Variants in IL17RD observed in about 807,000 individuals in gnomAD.
The protein encoded by IL17RD is interleukin 17 receptor D.
In IL17RD, 52 loss-of-function variants were observed where a neutral mutation model predicts 80.5. That is an observed-to-expected ratio of 0.65 (90% confidence interval 0.52 to 0.81). IL17RD has a LOEUF of 0.81. Ranked by LOEUF, IL17RD falls within the 40% of genes least tolerant of loss-of-function variation. The probability of loss-of-function intolerance (pLI) is 0.00; values close to 1 mark genes in which losing one functional copy is unlikely to be tolerated. For synonymous variants in IL17RD, 416 were observed against 391.8 expected, an observed-to-expected ratio of 1.06 and a Z score of -0.73; for missense variants, 1,024 against 955.1, an observed-to-expected ratio of 1.07 and a Z score of -0.95.
At chr3:57,107,205 C>T (rs763001242) in intron 5 of IL17RD, among the ~76,000 whole-genome samples, 1 of 151,952 alleles carries the variant, frequency 6.6e-6, no homozygotes, top group East Asian at 1.9e-4. Context: ...GGTGAAACCC[C>T]GTTTCTACTA....
chr3:57,109,847 T>C (rs1383725273), intron 4 of IL17RD, among the ~76,000 whole-genome samples, 190 bp from the exon 5 acceptor site: 1 of 152,346 alleles, frequency 6.6e-6, no homozygotes, highest in African/African-American at 2.4e-5. Context: ...ACCATGAAGA[T>C]GGACAATGCG....
chr3:57,154,891 C>T (rs2060257234), intron 1 of IL17RD, among the ~76,000 whole-genome samples: 2 of 152,142 alleles, frequency 1.3e-5, no homozygotes, highest in Admixed American at 1.3e-4. Context: ...CATAGCCAGC[C>T]AACCAGGACT....
At chr3:57,109,026 G>A (rs1054041974) in intron 5 of IL17RD, among the ~76,000 whole-genome samples, 2 of 152,072 alleles carry the variant, frequency 1.3e-5, no homozygotes, top group African/African-American at 4.8e-5. Context: ...GCCAGGAGTG[G>A]GTCTATCCGG....
chr3:57,113,283 G>C (rs1707138545), intron 3 of IL17RD, among the ~76,000 whole-genome samples: 1 of 152,054 alleles, frequency 6.6e-6, no homozygotes, highest in Admixed American at 6.6e-5. Context: ...TGTTGTCCAG[G>C]CTGGAGCGCA....
At chr3:57,127,913 T>C (rs1170975814) in intron 1 of IL17RD, among the ~76,000 whole-genome samples, 2 of 152,160 alleles carry the variant, frequency 1.3e-5, no homozygotes, top group African/African-American at 4.8e-5. Flanking sequence ...AGACCCCACT[T>C]ACTTCAGTTC....
chr3:57,114,705 G>A lies in IL17RD; in HGVS notation c.297C>T (p.Ser99=). The change falls in exon 3 of 13, where the codon TCC becomes TCT. Residue 99 remains serine, a synonymous_variant. Transcript: ENST00000296318. ...HDQVAVTILW[S]PGALGIEFLK... ...TTGACCACTCACCGAGGGCCCCTGG[G>A]GACCAAAGAATGGTGACTGCCACTT... 6.2e-7 allele frequency: 1 copy of A among 1,610,618 alleles called. No individual in the cohort carries two copies. The highest frequency in any genetic ancestry group is 8.5e-7 in the Non-Finnish European group (1 of 1,178,828).
At chr3:57,164,825 C>A in intron 1 of IL17RD, 1 of 954,980 alleles carries the variant, frequency 1.0e-6, no homozygotes, top group Non-Finnish European at 1.3e-6. Flanking sequence ...AGCCCTGGGA[C>A]GAAGGAGGTC....
chr3:57,109,606 C>T lies in IL17RD; in HGVS notation c.481G>A (p.Val161Ile), dbSNP rs139866451. ...LNMKFETDYF[V>I]KVVPFPSIKN... ...ATGGAAGGAAAAGGGACAACCTTTACGAAATAATCCGTTTCAAATTTCATA... is the reference window on the plus strand; with the variant it reads ...ATGGAAGGAAAAGGGACAACCTTTATGAAATAATCCGTTTCAAATTTCATA... Residue 161 changes from valine (V) to isoleucine (I), a missense_variant, in exon 5 of 13, where the codon GTA (valine) becomes ATA (isoleucine). Physicochemically the swap from Val to Ile is conservative, Grantham distance 29. Transcript: ENST00000296318. 45 of 1,612,968 alleles carry T rather than the reference C, an allele frequency of 2.8e-5. No homozygotes were observed. Among genetic ancestry groups the T allele is most frequent in the African/African-American group, 4.0e-5 (3 of 74,860 alleles).
intron 1 of IL17RD, among the ~76,000 whole-genome samples, chr3:57,152,154 GAGCAAACGAGACCA>G (rs1358896604): frequency 1.4e-4 from 22 of 152,254 alleles, no homozygotes; most frequent in African/African-American, 5.1e-4. Context: ...GCTGTGACCA[GAGCAAACGAGACCA>G]AGCAAAGGCA....
intron 1 of IL17RD, among the ~76,000 whole-genome samples, chr3:57,138,733 C>G (rs564229105): frequency 2.0e-5 from 3 of 151,898 alleles, no homozygotes; most frequent in South Asian, 2.1e-4. Flanking sequence ...GTTGGGAGCT[C>G]GAGACCAGCC....
At position 57,110,282 on chromosome 3, in the gene IL17RD, T is replaced by C. The variant is rs1707067171; in HGVS notation, c.340A>G (p.Ile114Val). The change falls in exon 4 of 13, where the codon ATA becomes GTA. Residue 114 changes from isoleucine (I) to valine (V), a missense_variant. By Grantham distance (29) the Ile-to-Val change is conservative. Transcript: ENST00000296318. ...CCCTCCGACTTCAGCTCCTCCAGTA[T>C]TACCCGAAATCCTTTCAGGAATTCG... ...GIEFLKGFRV[I>V]LEELKSEGRQ... 6.2e-7 allele frequency: 1 copy of C among 1,607,600 alleles called. No individual in the cohort carries two copies. Among genetic ancestry groups the C allele is most frequent in the Non-Finnish European group, 8.5e-7 (1 of 1,176,744 alleles).
intron 1 of IL17RD, chr3:57,134,319 TGATGCCGGGAAAACACCTTG>T (rs1707675325): frequency 2.9e-6 from 2 of 687,562 alleles, no homozygotes; most frequent in Non-Finnish European, 5.5e-6. Context: ...TTCCCGGGCT[TGATGCCGGGAAAACACCTTG>T]GCCCGCTGGA....
intron 3 of IL17RD, among the ~76,000 whole-genome samples, chr3:57,113,959 G>A (rs1707155534): frequency 6.6e-6 from 1 of 151,938 alleles, no homozygotes; most frequent in East Asian, 1.9e-4. Context: ...GCCGAGGCGG[G>A]CGGATCACGA....
chr3:57,160,231 G>C (rs1030639517), intron 1 of IL17RD, among the ~76,000 whole-genome samples: 1 of 151,876 alleles, frequency 6.6e-6, no homozygotes, highest in African/African-American at 2.4e-5. Flanking sequence ...GGTAGCCCCA[G>C]CAGGAGCAGA....
intron 3 of IL17RD, among the ~76,000 whole-genome samples, chr3:57,113,191 A>G (rs1707136474): frequency 6.6e-6 from 1 of 152,178 alleles, no homozygotes; most frequent in Non-Finnish European, 1.5e-5. Context: ...ATCTAGCCAT[A>G]TAATACAGGT....
chr3:57,158,205 G>A (rs1238596394), intron 1 of IL17RD, among the ~76,000 whole-genome samples: 1 of 152,124 alleles, frequency 6.6e-6, no homozygotes, highest in African/African-American at 2.4e-5. Flanking sequence ...CTACCATGTA[G>A]TAGTTTTAAT....
intron 1 of IL17RD, among the ~76,000 whole-genome samples, chr3:57,140,077 T>C (rs906828755): frequency 6.6e-6 from 1 of 152,136 alleles, no homozygotes; most frequent in Admixed American, 6.5e-5. Context: ...TGCATAAAGA[T>C]ACCGAGCCGG....
rs143634778 is a variant in IL17RD, at chr3:57,101,356, T to C, written c.987A>G (p.Ile329Met). The C allele has an allele frequency of 7.4e-5, 117 of 1,588,166 alleles. No homozygotes were observed. In the East Asian group the frequency reaches 2.6e-3, roughly 35 times the overall value. Reference protein sequence around the residue: ...VMCRKKQQENIYSHLDEESSE... With the variant: ...VMCRKKQQENMYSHLDEESSE... ...AGCTCTCTTCATCTAAATGTGAATA[T>C]ATATTTTCTAAATTGGAAAAGAAGA... The change falls in exon 11 of 13, where the codon ATA (isoleucine) becomes ATG (methionine). Residue 329 changes from isoleucine (I) to methionine (M), a missense_variant. Transcript: ENST00000296318.
intron 1 of IL17RD, among the ~76,000 whole-genome samples, chr3:57,128,972 C>A (rs1707551416): frequency 6.6e-6 from 1 of 152,158 alleles, no homozygotes; most frequent in African/African-American, 2.4e-5. Flanking sequence ...AGGATTGTTC[C>A]ATTTTTCCAA....
Sources: gnomAD v4.1 joint callset for allele counts (sites outside exome capture counted in the v4.1 genomes callset) on GRCh38, gnomAD v4.1.1 for gene constraint, MANE v1.5 for transcripts, NCBI Gene and HGNC (gene_info 2026-07-23, HGNC 2026-07-21) for gene names.